The following CACNA1C variants were observed in gnomAD, a reference collection of about 807,000 sequenced individuals.
CACNA1C encodes voltage-dependent L-type calcium channel subunit alpha-1C.
Under a neutral mutation model 229.0 loss-of-function variants are expected in CACNA1C, and 30 were observed. The ratio of observed to expected loss-of-function variants is 0.13; its 90% CI spans 0.10 to 0.18. The LOEUF (loss-of-function observed/expected upper bound fraction) is 0.18. CACNA1C is among the 10% of genes least tolerant of loss of function. CACNA1C has a pLI of 1.00. For synonymous variants in CACNA1C, 1,114 were observed against 1,132.5 expected, an observed-to-expected ratio of 0.98 and a Z score of 0.33; for missense variants, 1,658 against 2,845.0, an observed-to-expected ratio of 0.58 and a Z score of 9.49.
Position 2,224,996 on chromosome 12 carries a change from G to A in CACNA1C, c.477+104566G>A, listed in dbSNP as rs150529181. ...CAGAACTCAGACATTTAAGGTTGTG[G>A]CTTTTCAGAATGGATGAATAAACGT... On this transcript the variant is annotated intron_variant, in intron 3 of 46. Coordinates refer to ENST00000399655, the MANE Select transcript of CACNA1C (RefSeq NM_000719.7). Among the ~76,000 whole-genome samples, 444 of 152,264 alleles carry A rather than the reference G, an allele frequency of 2.9e-3. 3 individuals carry two copies. The highest frequency in any genetic ancestry group is 0.01 in the African/African-American group (433 of 41,554).
intron 10 of CACNA1C, chr12:2,550,694 G>C (rs1468899566): frequency 1.5e-6 from 2 of 1,319,600 alleles, no homozygotes; most frequent in Non-Finnish European, 2.0e-6. Context: ...GCTCCACCTG[G>C]GGGGCGGGGC....
intron 28 of CACNA1C, 75 bp downstream of exon 28, chr12:2,610,774 G>A (rs993059231): frequency 4.0e-5 from 59 of 1,477,144 alleles, no homozygotes; most frequent in Admixed American, 5.2e-5. Flanking sequence ...GTAACGGAGC[G>A]GCAGGCAGCT....
At chr12:2,085,149 C>T (rs1215663329) in intron 1 of CACNA1C, among the ~76,000 whole-genome samples, 2 of 152,196 alleles carry the variant, frequency 1.3e-5, no homozygotes, top group Non-Finnish European at 2.9e-5. Flanking sequence ...TGCATAGAAT[C>T]AGTGCACCTA....
rs898566463 is a variant in CACNA1C, at chr12:1,971,837, T to C, written c.139+636T>C. 7.2e-5 allele frequency among the ~76,000 whole-genome samples: 11 copies of C among 152,264 alleles called. No homozygotes were observed. Among genetic ancestry groups the C allele is most frequent in the African/African-American group, 2.7e-4 (11 of 41,468 alleles). The stretch of plus-strand genomic sequence containing the variant: ...GTTTGATCTGTTCTTTTAAGATATT[T>C]ATAATTTGTTTTATATTTTTACCCA... On this transcript the variant is annotated intron_variant, in intron 1 of 46. Coordinates refer to the CACNA1C transcript ENST00000682462. This position sits in a 1 kb window ranked among gnomAD's most constrained non-coding sequence, Gnocchi z 4.2.
chr12:2,271,619 G>A (rs1015218559), intron 3 of CACNA1C, among the ~76,000 whole-genome samples: 1 of 152,156 alleles, frequency 6.6e-6, no homozygotes, highest in Non-Finnish European at 1.5e-5. Context: ...TTGTGTCAAG[G>A]CCAGGCATGG....
intron 3 of CACNA1C, among the ~76,000 whole-genome samples, chr12:2,230,635 G>A (rs953611375): frequency 1.6e-4 from 25 of 152,218 alleles, no homozygotes; most frequent in Admixed American, 6.5e-5. Flanking sequence ...ATCACTAACG[G>A]TGGGAGGCCT....
chr12:2,642,129 G>GT (rs779871616), intron 30 of CACNA1C, among the ~76,000 whole-genome samples: 1 of 152,112 alleles, frequency 6.6e-6, no homozygotes, highest in Non-Finnish European at 1.5e-5. Context: ...ATGGGAACCT[G>GT]TTTTTTTATA....
intron 3 of CACNA1C, among the ~76,000 whole-genome samples, chr12:2,250,287 G>C (rs75892392): frequency 0.036 from 5,424 of 152,218 alleles, 124 homozygotes; most frequent in Middle Eastern, 0.051. Flanking sequence ...CCAACCCTGG[G>C]CCGTTCACCT....
rs954760315 is a variant in CACNA1C at position 2,144,474 on chromosome 12, G to T, written c.477+24044G>T. Among the ~76,000 whole-genome samples the T allele has an allele frequency of 4.6e-5, 7 of 151,350 alleles. No homozygotes were observed. In the Admixed American group the frequency reaches 4.6e-4, roughly 10 times the overall value. On this transcript the variant is annotated intron_variant, in intron 3 of 46. Coordinates refer to ENST00000399655, the MANE Select transcript of CACNA1C (RefSeq NM_000719.7). The stretch of plus-strand genomic sequence containing the variant: ...TACCTATCGAGCACCTATCATGTAT[G>T]AGACACAGCAGTGCTTAAAACACAC...
intron 3 of CACNA1C, among the ~76,000 whole-genome samples, chr12:2,302,983 A>G (rs2154475677): frequency 6.6e-6 from 1 of 152,326 alleles, no homozygotes; most frequent in Admixed American, 6.5e-5. Flanking sequence ...GTAAATGCAG[A>G]GCCTGCATCA....
At chr12:2,607,298 C>A in intron 26 of CACNA1C, 168 bp downstream of exon 26, 2 of 639,518 alleles carry the variant, frequency 3.1e-6, no homozygotes, top group Non-Finnish European at 5.2e-6. Context: ...AGTCCACTGT[C>A]ACTGCTGAAA....
At chr12:2,113,598 G>A (rs566758895) in intron 1 of CACNA1C, among the ~76,000 whole-genome samples, 3 of 152,236 alleles carry the variant, frequency 2.0e-5, no homozygotes, top group South Asian at 2.1e-4. Flanking sequence ...TGGCTGCTTC[G>A]GCCACAGTCT....
chr12:2,532,939 C>A (rs561741534), intron 9 of CACNA1C, among the ~76,000 whole-genome samples: 1 of 152,278 alleles, frequency 6.6e-6, no homozygotes, highest in Non-Finnish European at 1.5e-5. Context: ...AGACAGTGGT[C>A]CCTGTTCTCT....
At chr12:2,173,939 C>T (rs540493657) in intron 3 of CACNA1C, among the ~76,000 whole-genome samples, 4 of 152,148 alleles carry the variant, frequency 2.6e-5, no homozygotes, top group Admixed American at 2.6e-4. Flanking sequence ...ACAATATTAC[C>T]TACCTTTTAA....
At chr12:2,092,116 A>T (rs2071409941) in intron 1 of CACNA1C, among the ~76,000 whole-genome samples, 2 of 152,186 alleles carry the variant, frequency 1.3e-5, no homozygotes, top group Admixed American at 1.3e-4. Context: ...AAGTTATATG[A>T]AACTTTGGGG....
At chr12:2,323,344 G>A (rs2096115899) in intron 3 of CACNA1C, among the ~76,000 whole-genome samples, 1 of 152,186 alleles carries the variant, frequency 6.6e-6, no homozygotes. Flanking sequence ...GCTCCCCCTG[G>A]AGAGGTCTCT....
intron 1 of CACNA1C, among the ~76,000 whole-genome samples, chr12:1,995,623 C>A (rs2040612259): frequency 6.6e-6 from 1 of 152,236 alleles, no homozygotes; most frequent in African/African-American, 2.4e-5. Flanking sequence ...ACCTTCCTCC[C>A]CTGCAGCTGA....
intron 1 of CACNA1C, among the ~76,000 whole-genome samples, chr12:1,978,450 A>C (rs1194247316): frequency 6.6e-6 from 1 of 152,230 alleles, no homozygotes; most frequent in Admixed American, 6.5e-5. Flanking sequence ...CAGGAAAATA[A>C]AGAAGGGTAA....
rs572664925 is a variant in CACNA1C, at chr12:2,185,234, A to G, written c.477+64804A>G. Among the ~76,000 whole-genome samples, 11 of 152,298 alleles carry G rather than the reference A, an allele frequency of 7.2e-5. No homozygotes were observed. The East Asian group carries it at 1.9e-3, about 27-fold the overall frequency. On this transcript the variant is annotated intron_variant, in intron 3 of 46. Coordinates refer to ENST00000399655, the MANE Select transcript of CACNA1C (RefSeq NM_000719.7). ...GTGTGGCAGGCAGGCGAGATAGACA[A>G]TGGGGAGGAGTTGTTCTGCAGGAGA...
Sources: allele counts gnomAD v4.1 joint callset (sites outside exome capture counted in the v4.1 genomes callset), GRCh38; gene constraint gnomAD v4.1.1; non-coding constraint Gnocchi (gnomAD v3.1); transcripts MANE v1.5; gene names NCBI Gene and HGNC (gene_info 2026-07-23, HGNC 2026-07-21).